BBS9: variants seen among roughly 807,000 people sequenced by gnomAD.
BBS9 encodes the protein protein PTHB1.
In BBS9, 89 loss-of-function variants were observed where a neutral mutation model predicts 117.7. That is an observed-to-expected ratio of 0.76 (90% CI 0.64 to 0.90). The LOEUF (loss-of-function observed/expected upper bound fraction) is 0.90, where lower values mean the gene tolerates loss of function less well. Among genes scored for constraint, BBS9 ranks in the 40% least tolerant of loss-of-function variants. The pLI is 0.00. For synonymous variants in BBS9, 379 were observed against 370.9 expected, an observed-to-expected ratio of 1.02 and a Z score of -0.25; for missense variants, 982 against 1,042.2, an observed-to-expected ratio of 0.94 and a Z score of 0.80.
In BBS9 at chr7:33,138,561, GA is replaced by G. The variant is rs540601081; in HGVS notation, c.-11-7677del. 4.0e-5 allele frequency among the ~76,000 whole-genome samples: 6 copies of G among 151,052 alleles called. 1 individual carries two copies. The East Asian group carries it at 1.3e-3, about 34-fold the overall frequency. On this transcript the variant is annotated intron_variant, in intron 1 of 22. Coordinates refer to ENST00000242067, the MANE Select transcript of BBS9 (RefSeq NM_198428.3). ...GGAGTAGCAAGGGACCAAACTCTGT[GA>G]AAAGGGGGATTTCAGGAGCTAACGA...
chr7:33,465,659 T>C (rs187575631), intron 19 of BBS9, among the ~76,000 whole-genome samples: 5 of 152,260 alleles, frequency 3.3e-5, no homozygotes, highest in South Asian at 2.1e-4. Context: ...TTACTGCCTA[T>C]ATCTCAGTTT....
chr7:33,192,045 T>C (rs1784204778), intron 5 of BBS9, among the ~76,000 whole-genome samples: 1 of 152,200 alleles, frequency 6.6e-6, no homozygotes, highest in African/African-American at 2.4e-5. Context: ...ATGTTTCAAC[T>C]TGAGCTAACC....
At chr7:33,267,130 C>T (rs1014994867) in intron 7 of BBS9, among the ~76,000 whole-genome samples, 3 of 152,166 alleles carry the variant, frequency 2.0e-5, no homozygotes, top group Non-Finnish European at 4.4e-5. Context: ...TGTTCTGTCT[C>T]ATGATGAACC....
At chr7:33,484,534 A>T (rs1842850688) in intron 19 of BBS9, among the ~76,000 whole-genome samples, 1 of 152,174 alleles carries the variant, frequency 6.6e-6, no homozygotes, top group Non-Finnish European at 1.5e-5. Context: ...AACAAACAGG[A>T]AAAAAGCTCA....
At chr7:33,168,544 C>T (rs1029731906) in intron 4 of BBS9, among the ~76,000 whole-genome samples, 1 of 152,022 alleles carries the variant, frequency 6.6e-6, no homozygotes, top group Non-Finnish European at 1.5e-5. Context: ...TTAAATTTTA[C>T]TTTTGTATTA....
At chr7:33,635,169 G>C (rs1190773235) in intron 21 of BBS9, among the ~76,000 whole-genome samples, 1 of 152,086 alleles carries the variant, frequency 6.6e-6, no homozygotes, top group Non-Finnish European at 1.5e-5. Context: ...ATCTCTCTCT[G>C]TTCACAGACC....
Position 33,605,629 on chromosome 7 carries a change from A to G in BBS9, c.*403A>G, listed in dbSNP as rs1433985649. 4.3e-6 allele frequency: 1 copy of G among 231,236 alleles called. No individual in the cohort carries two copies. Among genetic ancestry groups the G allele is most frequent in the Non-Finnish European group, 8.6e-6 (1 of 116,690 alleles). The allele number at this position is 231,236 out of a possible 1,614,324, so 14.3% of individuals were successfully genotyped here. The stretch of plus-strand genomic sequence containing the variant: ...GTTTAATAAAGCATCTCATTGTCAA[A>G]TAATATCTTGGATTTTATTTATAAT... On this transcript the variant is annotated 3_prime_UTR_variant, in exon 23 of 23. Coordinates refer to ENST00000242067, the MANE Select transcript of BBS9 (RefSeq NM_198428.3).
At chr7:33,201,464 T>A (rs1392695544) in intron 5 of BBS9, among the ~76,000 whole-genome samples, 2 of 152,224 alleles carry the variant, frequency 1.3e-5, no homozygotes, top group East Asian at 1.9e-4. Flanking sequence ...ACAGCTCCTC[T>A]GTTTTCAGAT....
intron 2 of BBS9, among the ~76,000 whole-genome samples, chr7:33,149,290 A>G (rs1180524433): frequency 1.3e-5 from 2 of 152,214 alleles, no homozygotes; most frequent in African/African-American, 4.8e-5. Context: ...AAAGAAGGTA[A>G]GAATGTATAC....
chr7:33,338,126 T>G lies in BBS9; in HGVS notation c.1198+1504T>G, dbSNP rs1235600620. Among the ~76,000 whole-genome samples the G allele has an allele frequency of 3.9e-5, 6 of 152,224 alleles. No homozygotes were observed. The East Asian group carries it at 1.2e-3, about 29-fold the overall frequency. ...TACACCCACAGACTTAGGTGTAAAG[T>G]GCATGATTTACATAACCTCAATTTT... is the stretch of plus-strand genomic sequence containing the variant. On this transcript the variant is annotated intron_variant, in intron 10 of 22. Coordinates refer to ENST00000242067, the MANE Select transcript of BBS9 (RefSeq NM_198428.3).
chr7:33,323,803 C>CTCT lies in BBS9; in HGVS notation c.1017-12635_1017-12633dup, dbSNP rs914223908. Among the ~76,000 whole-genome samples, 84 of 140,860 alleles carry CTCT rather than the reference C, an allele frequency of 6.0e-4. 1 individual carries two copies. Among genetic ancestry groups the CTCT allele is most frequent in the Non-Finnish European group, 2.2e-4 (14 of 64,290 alleles). 92.4% of individuals were successfully genotyped at this position (140,860 alleles called of 152,430 possible). A position where few individuals can be genotyped will look rare whatever the true frequency, so the allele number is the denominator to read the frequency against. On this transcript the variant is annotated intron_variant, in intron 9 of 22. Coordinates refer to ENST00000242067, the MANE Select transcript of BBS9 (RefSeq NM_198428.3). ...ATTTTGTTCTGTGGTTTCTGGTCTTCTCTTCCTTCTTTTCTTCATTCCTGT... is the reference window on the plus strand; with the variant it reads ...ATTTTGTTCTGTGGTTTCTGGTCTTCTCTTCTTCCTTCTTTTCTTCATTCCTGT...
chr7:33,396,045 G>A lies in BBS9; in HGVS notation c.2115+7901G>A, dbSNP rs116998543. ...GAGGAGGAAGCAGAAATTTGCAATC[G>A]TATGTTTGTGGATGAACAGGGGTGG... On this transcript the variant is annotated intron_variant, in intron 19 of 22. Coordinates refer to ENST00000242067, the MANE Select transcript of BBS9 (RefSeq NM_198428.3). Among the ~76,000 whole-genome samples, 61 of 152,118 alleles carry A rather than the reference G, an allele frequency of 4.0e-4. No individual in the cohort carries two copies. The East Asian group carries it at 8.9e-3, about 22-fold the overall frequency.
At chr7:33,159,795 A>G (rs558567920) in intron 4 of BBS9, among the ~76,000 whole-genome samples, 2 of 152,300 alleles carry the variant, frequency 1.3e-5, no homozygotes, top group South Asian at 4.1e-4. Context: ...AAACATTTAA[A>G]ACTTTTGAGA....
chr7:33,552,984 TCTA>T (rs1197100070), intron 21 of BBS9, among the ~76,000 whole-genome samples: 4 of 152,108 alleles, frequency 2.6e-5, no homozygotes, highest in African/African-American at 9.7e-5. Flanking sequence ...TTCCTTCACT[TCTA>T]CTCACCAAGC....
chr7:33,164,518 A>G (rs1400755751), intron 4 of BBS9, among the ~76,000 whole-genome samples: 1 of 152,152 alleles, frequency 6.6e-6, no homozygotes, highest in East Asian at 1.9e-4. Context: ...GTGCTCCAGT[A>G]TTGGGTGCAT....
At chr7:33,543,440 A>G (rs891204350) in intron 21 of BBS9, among the ~76,000 whole-genome samples, 1 of 152,020 alleles carries the variant, frequency 6.6e-6, no homozygotes, top group East Asian at 1.9e-4. Context: ...TCCTTTTGCC[A>G]TGCAAAAGCT....
intron 20 of BBS9, among the ~76,000 whole-genome samples, chr7:33,514,669 A>G (rs1276913957): frequency 6.6e-6 from 1 of 152,200 alleles, no homozygotes; most frequent in African/African-American, 2.4e-5. Context: ...TAAGATATGC[A>G]AATATATATC....
At chr7:33,182,710 C>T (rs1381110990) in intron 5 of BBS9, among the ~76,000 whole-genome samples, 3 of 152,120 alleles carry the variant, frequency 2.0e-5, no homozygotes, top group Admixed American at 6.5e-5. Flanking sequence ...TATATATAAA[C>T]ATCACACACA....
intron 19 of BBS9, among the ~76,000 whole-genome samples, chr7:33,490,106 C>T (rs1384744812): frequency 6.6e-6 from 1 of 152,122 alleles, no homozygotes; most frequent in Non-Finnish European, 1.5e-5. Flanking sequence ...ATTTTTAAAA[C>T]TAGTTGTAAT....
Sources: gnomAD v4.1 joint callset for allele counts (sites outside exome capture counted in the v4.1 genomes callset) on GRCh38, gnomAD v4.1.1 for gene constraint, MANE v1.5 for transcripts, NCBI Gene and HGNC (gene_info 2026-07-23, HGNC 2026-07-21) for gene names.